CPAP: variants seen among roughly 807,000 people sequenced by gnomAD.
CPAP encodes the protein centrosomal P4.1-associated protein.
At chr13:24,883,948 A>AT in the CPAP span, 1 of 1,614,102 alleles carries the variant, frequency 6.2e-7, no homozygotes, top group Non-Finnish European at 8.5e-7. Flanking sequence ...TTCTGTGAAC[A>AT]TAATGTTGCC....
At chr13:24,892,448 T>G in the CPAP span, among the ~76,000 whole-genome samples, 1 of 152,200 alleles carries the variant, frequency 6.6e-6, no homozygotes, top group African/African-American at 2.4e-5. Flanking sequence ...TGCGGTGTAG[T>G]GCAACCATCG....
chr13:24,919,308 G>C, the CPAP span, among the ~76,000 whole-genome samples: 1 of 152,200 alleles, frequency 6.6e-6, no homozygotes, highest in Admixed American at 6.5e-5. Flanking sequence ...AATGCAATGA[G>C]AGACTGACCA....
At chr13:24,932,756 A>G in the CPAP span, among the ~76,000 whole-genome samples, 1 of 152,356 alleles carries the variant, frequency 6.6e-6, no homozygotes, top group South Asian at 2.1e-4. Flanking sequence ...ATTAAGATGT[A>G]TATTATAAGC....
chr13:24,886,997 G>T, the CPAP span, among the ~76,000 whole-genome samples: 1 of 152,154 alleles, frequency 6.6e-6, no homozygotes, highest in Non-Finnish European at 1.5e-5. Flanking sequence ...CTGTCTAGAG[G>T]ACTGTGTGAA....
chr13:24,917,694 C>A, the CPAP span, among the ~76,000 whole-genome samples: 19 of 152,126 alleles, frequency 1.2e-4, no homozygotes, highest in Non-Finnish European at 2.2e-4. Context: ...TGGTAATTAT[C>A]TTGGTCCATT....
the CPAP span, chr13:24,905,799 G>C: frequency 6.2e-7 from 1 of 1,614,012 alleles, no homozygotes; most frequent in Non-Finnish European, 8.5e-7. Flanking sequence ...TTATCTTCTT[G>C]GGTCCTGGTG....
chr13:24,933,506 C>T, the CPAP span: 36 of 186,364 alleles, frequency 1.9e-4, no homozygotes, highest in Middle Eastern at 2.4e-3. Context: ...AGTGTGTCAA[C>T]GCTGGGGTGA....
the CPAP span, among the ~76,000 whole-genome samples, chr13:24,933,850 G>T: frequency 0.024 from 3,617 of 151,924 alleles, 61 homozygotes; most frequent in East Asian, 0.056. Flanking sequence ...TCAGCCTCCT[G>T]AGTGGCTGGG....
the CPAP span, among the ~76,000 whole-genome samples, chr13:24,894,698 A>ACG: frequency 6.6e-6 from 1 of 152,104 alleles, no homozygotes; most frequent in Non-Finnish European, 1.5e-5. Context: ...TGGGGGCAGA[A>ACG]CGCGCGGAGG....
At chr13:24,910,144 C>A in the CPAP span, 1 of 1,512,920 alleles carries the variant, frequency 6.6e-7, no homozygotes, top group Non-Finnish European at 9.1e-7. Context: ...TCTCTTTTAT[C>A]CCCAGTAGTG....
chr13:24,928,133 A>C, the CPAP span, among the ~76,000 whole-genome samples: 2 of 152,224 alleles, frequency 1.3e-5, no homozygotes, highest in Admixed American at 1.3e-4. Flanking sequence ...CAGCTGTTCA[A>C]GACTACTCAC....
At chr13:24,915,512 G>A in the CPAP span, among the ~76,000 whole-genome samples, 149 of 152,264 alleles carry the variant, frequency 9.8e-4, no homozygotes, top group African/African-American at 3.2e-3. Context: ...TAGTCAAAAA[G>A]AGAGGAGGCG....
chr13:24,925,076 C>G, the CPAP span, among the ~76,000 whole-genome samples: 2 of 152,212 alleles, frequency 1.3e-5, no homozygotes, highest in African/African-American at 4.8e-5. Context: ...TGGGTCTTGT[C>G]AAATGCTGTG....
At chr13:24,886,304 C>T in the CPAP span, 8 of 1,288,834 alleles carry the variant, frequency 6.2e-6, no homozygotes, top group South Asian at 4.9e-5. Context: ...CTGGATGTTA[C>T]GGGAGAATGG....
the CPAP span, among the ~76,000 whole-genome samples, chr13:24,930,361 AC>A: frequency 1.3e-5 from 2 of 152,100 alleles, no homozygotes; most frequent in African/African-American, 4.8e-5. Flanking sequence ...CAGGTTTGTT[AC>A]CTAGGTATAA....
At chr13:24,885,622 T>C in the CPAP span, 7 of 1,611,310 alleles carry the variant, frequency 4.3e-6, no homozygotes, top group South Asian at 2.2e-5. Flanking sequence ...CTTATCCAAA[T>C]TGCCTAAATC....
the CPAP span, among the ~76,000 whole-genome samples, chr13:24,915,383 T>G: frequency 2.6e-5 from 4 of 152,046 alleles, no homozygotes; most frequent in African/African-American, 9.7e-5. Flanking sequence ...AGCAGCTGGG[T>G]GCACTAGAAT....
the CPAP span, chr13:24,906,399 T>C: frequency 6.2e-7 from 1 of 1,612,912 alleles, no homozygotes; most frequent in African/African-American, 1.3e-5. Context: ...TCAGACTCTT[T>C]CATGGTCTCC....
the CPAP span, among the ~76,000 whole-genome samples, chr13:24,923,557 TTAATC>T: frequency 6.6e-6 from 1 of 152,296 alleles, no homozygotes; most frequent in Admixed American, 6.5e-5. Context: ...CCACGGCCCT[TTAATC>T]TAGGAAGTTA....
Sources: gnomAD v4.1 joint callset for allele counts (sites outside exome capture counted in the v4.1 genomes callset) on GRCh38, gnomAD v4.1.1 for gene constraint, MANE v1.5 for transcripts, NCBI Gene and HGNC (gene_info 2026-07-23, HGNC 2026-07-21) for gene names.